ELMO1: variants seen among roughly 807,000 people sequenced by gnomAD.
ELMO1 encodes the protein engulfment and cell motility 1, also known as engulfment and cell motility protein 1.
ELMO1 carries 26 observed loss-of-function variants against 98.9 expected under a neutral mutation model. The observed-to-expected ratio is 0.26, with a 90% confidence interval of 0.19 to 0.36. The LOEUF is 0.36. Ranked by LOEUF, ELMO1 falls within the 10% of genes least tolerant of loss-of-function variation. The probability of loss-of-function intolerance (pLI) is 1.00; values close to 1 mark genes in which losing one functional copy is unlikely to be tolerated. For synonymous variants in ELMO1, 346 were observed against 346.0 expected, an observed-to-expected ratio of 1.00 and a Z score of 0.00; for missense variants, 627 against 935.2, an observed-to-expected ratio of 0.67 and a Z score of 4.30.
chr7:37,237,392 C>T (rs1467252554), intron 7 of ELMO1, among the ~76,000 whole-genome samples: 3 of 152,066 alleles, frequency 2.0e-5, no homozygotes, highest in African/African-American at 4.8e-5. Context: ...CAGGTTGAAG[C>T]GATTCTCCTG....
chr7:37,064,205 C>A (rs1021083142), intron 15 of ELMO1, among the ~76,000 whole-genome samples: 1 of 152,152 alleles, frequency 6.6e-6, no homozygotes, highest in Non-Finnish European at 1.5e-5. Context: ...CCTGCTCTCA[C>A]ATGCTGCACA....
At chr7:36,893,704 G>T (rs1166452093) in intron 17 of ELMO1, among the ~76,000 whole-genome samples, 1 of 152,146 alleles carries the variant, frequency 6.6e-6, no homozygotes, top group Non-Finnish European at 1.5e-5. Flanking sequence ...GTAGACTCGA[G>T]GCTCAGTCCC....
intron 21 of ELMO1, among the ~76,000 whole-genome samples, chr7:36,856,599 G>A (rs2129030022): frequency 6.6e-6 from 1 of 152,302 alleles, no homozygotes; most frequent in Non-Finnish European, 1.5e-5. Context: ...GAGGGAGAAG[G>A]AAGAACTGTG....
intron 1 of ELMO1, among the ~76,000 whole-genome samples, chr7:37,407,610 T>C (rs749557235): frequency 6.6e-6 from 1 of 152,048 alleles, no homozygotes; most frequent in Admixed American, 6.5e-5. Flanking sequence ...TATGTCATTC[T>C]GGAAAAGGCA....
chr7:37,402,990 G>T (rs1000452639), intron 1 of ELMO1, among the ~76,000 whole-genome samples: 4 of 152,166 alleles, frequency 2.6e-5, no homozygotes, highest in African/African-American at 9.7e-5. Context: ...ACAAAAACCT[G>T]CACTCAAATG....
intron 15 of ELMO1, among the ~76,000 whole-genome samples, chr7:37,075,058 A>C (rs889625664): frequency 2.0e-5 from 3 of 152,196 alleles, no homozygotes; most frequent in African/African-American, 7.2e-5. Flanking sequence ...ACGAGCAATA[A>C]AAGGTGTGTA....
At chr7:37,012,825 G>A (rs1442741229) in intron 16 of ELMO1, among the ~76,000 whole-genome samples, 4 of 152,112 alleles carry the variant, frequency 2.6e-5, no homozygotes, top group East Asian at 1.9e-4. Context: ...TCTTCTTGAC[G>A]TAGCTCGGGG....
At chr7:37,223,856 A>G (rs112201398) in intron 9 of ELMO1, among the ~76,000 whole-genome samples, 44 of 152,326 alleles carry the variant, frequency 2.9e-4, no homozygotes, top group African/African-American at 1.0e-3. Flanking sequence ...CTGCTTTGGT[A>G]GTTTATATTA....
chr7:37,426,146 T>TC lies in ELMO1; in HGVS notation c.-74+22528_-74+22529insG, dbSNP rs1246782237. Among the ~76,000 whole-genome samples the TC allele has an allele frequency of 8.8e-4, 116 of 131,592 alleles. 1 individual carries two copies. Among genetic ancestry groups the TC allele is most frequent in the Non-Finnish European group, 1.2e-3 (74 of 61,138 alleles). 86.3% of individuals were successfully genotyped at this position (131,592 alleles called of 152,430 possible). A position where few individuals can be genotyped will look rare whatever the true frequency, so the allele number is the denominator to read the frequency against. On this transcript the variant is annotated intron_variant, in intron 1 of 21. Transcript: ENST00000310758. ...TCTCTCCCTCTTTTTTTCTTTCTTT[T>TC]TTTTTTTTTTTTTTTTTTTTTTACT...
At chr7:37,284,404 G>A (rs528678075) in intron 4 of ELMO1, among the ~76,000 whole-genome samples, 84 of 152,258 alleles carry the variant, frequency 5.5e-4, no homozygotes, top group Non-Finnish European at 9.7e-4. Context: ...AAGGGAATGC[G>A]TTCAGAAGAC....
intron 16 of ELMO1, among the ~76,000 whole-genome samples, chr7:36,941,263 A>G (rs558793521): frequency 4.1e-4 from 62 of 152,352 alleles, no homozygotes; most frequent in Non-Finnish European, 7.3e-4. Context: ...TGCTTTTTAT[A>G]TAGTGTTTGG....
chr7:37,403,826 A>G (rs1803634078), intron 1 of ELMO1, among the ~76,000 whole-genome samples: 2 of 152,182 alleles, frequency 1.3e-5, no homozygotes, highest in Non-Finnish European at 2.9e-5. Context: ...GATTACGGGC[A>G]TGAGCCACCA....
chr7:36,925,645 C>A (rs1029726344), intron 16 of ELMO1, among the ~76,000 whole-genome samples: 1 of 152,144 alleles, frequency 6.6e-6, no homozygotes, highest in Non-Finnish European at 1.5e-5. Flanking sequence ...TTCACTTTGC[C>A]CCGACCCCTC....
intron 16 of ELMO1, among the ~76,000 whole-genome samples, chr7:36,900,094 G>GA (rs1806377037): frequency 6.6e-6 from 1 of 152,180 alleles, no homozygotes; most frequent in Admixed American, 6.5e-5. Context: ...TAGATCTACT[G>GA]AATCAGAAAT....
chr7:37,142,924 T>G (rs1787735153), intron 13 of ELMO1, among the ~76,000 whole-genome samples: 1 of 152,188 alleles, frequency 6.6e-6, no homozygotes, highest in Non-Finnish European at 1.5e-5. Flanking sequence ...GTTATCAATC[T>G]TCTTTGAATT....
intron 1 of ELMO1, among the ~76,000 whole-genome samples, chr7:37,410,559 C>T (rs36028514): frequency 0.18 from 27,012 of 152,126 alleles, 2,957 homozygotes; most frequent in East Asian, 0.31. Context: ...ACACACAGCC[C>T]TACACAGTGG....
At chr7:37,169,989 C>A (rs1310734485) in intron 13 of ELMO1, among the ~76,000 whole-genome samples, 2 of 152,274 alleles carry the variant, frequency 1.3e-5, no homozygotes, top group African/African-American at 4.8e-5. Flanking sequence ...GCAACCTCCA[C>A]CTCCTGGGTT....
intron 16 of ELMO1, among the ~76,000 whole-genome samples, chr7:36,982,126 TACTC>T (rs1234541408): frequency 6.6e-6 from 1 of 152,234 alleles, no homozygotes; most frequent in African/African-American, 2.4e-5. Flanking sequence ...TAAAAACCAA[TACTC>T]AATTCAGTTA....
chr7:37,232,268 A>G (rs1027881216), intron 8 of ELMO1, among the ~76,000 whole-genome samples: 7 of 152,248 alleles, frequency 4.6e-5, no homozygotes, highest in Admixed American at 3.3e-4. Flanking sequence ...CTTATAAAAT[A>G]AAGTTATGAA....
Sources: allele counts gnomAD v4.1 joint callset (sites outside exome capture counted in the v4.1 genomes callset), GRCh38; gene constraint gnomAD v4.1.1; transcripts MANE v1.5; gene names NCBI Gene and HGNC (gene_info 2026-07-23, HGNC 2026-07-21).